The following CDK14 variants were observed in gnomAD, a reference collection of about 807,000 sequenced individuals.
CDK14 encodes cyclin-dependent kinase 14.
CDK14 carries 34 observed loss-of-function variants against 60.7 expected under a neutral mutation model. The ratio of observed to expected loss-of-function variants is 0.56; its 90% CI spans 0.43 to 0.75. The LOEUF (loss-of-function observed/expected upper bound fraction) is 0.75. Ranked by LOEUF, CDK14 falls within the 30% of genes least tolerant of loss-of-function variation. The pLI is 0.00. For missense variants in CDK14, 482 were observed against 564.1 expected (o/e 0.85, Z 1.47); for synonymous variants, 197 against 203.7 (o/e 0.97, Z 0.28).
At chr7:90,678,783 G>T (rs970277914) in intron 2 of CDK14, among the ~76,000 whole-genome samples, 3 of 152,096 alleles carry the variant, frequency 2.0e-5, no homozygotes, top group Admixed American at 6.6e-5. Context: ...TTATTTGCTA[G>T]GTCCTGGGGA....
intron 4 of CDK14, among the ~76,000 whole-genome samples, chr7:90,756,362 T>C (rs1005875): frequency 0.19 from 29,046 of 152,194 alleles, 2,894 homozygotes; most frequent in South Asian, 0.24. Flanking sequence ...ATCTTGGAGA[T>C]AGTTGAAGAA....
chr7:91,128,493 T>C (rs1272780836), intron 14 of CDK14, among the ~76,000 whole-genome samples: 15 of 152,198 alleles, frequency 9.9e-5, no homozygotes. Flanking sequence ...GTCTGAAATG[T>C]TCACCTAACG....
intron 2 of CDK14, among the ~76,000 whole-genome samples, chr7:90,722,376 A>G (rs921068213): frequency 6.6e-6 from 1 of 151,666 alleles, no homozygotes; most frequent in African/African-American, 2.4e-5. Flanking sequence ...CCTAATTTTT[A>G]TATTTGTTTT....
chr7:91,155,439 CA>C (rs1457811765), intron 14 of CDK14, among the ~76,000 whole-genome samples: 1 of 152,148 alleles, frequency 6.6e-6, no homozygotes, highest in Non-Finnish European at 1.5e-5. Context: ...CCTAGCTTCT[CA>C]AAACTTTCTT....
intron 7 of CDK14, among the ~76,000 whole-genome samples, chr7:90,906,494 C>T (rs1792708874): frequency 2.0e-5 from 3 of 152,166 alleles, no homozygotes; most frequent in Admixed American, 2.0e-4. Context: ...TAGGAAAAAG[C>T]AGTGATCAAA....
intron 14 of CDK14, among the ~76,000 whole-genome samples, chr7:91,152,285 C>T (rs992048083): frequency 2.6e-5 from 4 of 152,106 alleles, no homozygotes; most frequent in Non-Finnish European, 5.9e-5. Flanking sequence ...TTTTTGTCTC[C>T]TTCACTTATT....
At chr7:90,975,578 A>G (rs996040312) in intron 9 of CDK14, among the ~76,000 whole-genome samples, 3 of 151,858 alleles carry the variant, frequency 2.0e-5, no homozygotes, top group South Asian at 4.1e-4. Flanking sequence ...TACATATAAT[A>G]TAGTCTTATT....
Position 91,190,230 on chromosome 7 carries a change from C to T in CDK14, c.*29-16935C>T, listed in dbSNP as rs751211240. Among the ~76,000 whole-genome samples the T allele has an allele frequency of 7.8e-4, 119 of 152,164 alleles. 1 individual carries two copies. Among genetic ancestry groups the T allele is most frequent in the Non-Finnish European group, 2.1e-4 (14 of 68,018 alleles). ...GCTGAGGCCTCATCTTCACAAGGTG[C>T]TTCCTCAGTCACCTTGGAAAGGGGA... On this transcript the variant is annotated intron_variant, in intron 14 of 14. Transcript: ENST00000380050.
chr7:90,877,185 G>T (rs907802778), intron 6 of CDK14, among the ~76,000 whole-genome samples: 17 of 152,106 alleles, frequency 1.1e-4, no homozygotes, highest in Admixed American at 9.8e-4. Context: ...AGGGGTAAAA[G>T]GTTCTGATTT....
At chr7:90,765,803 G>A (rs1438122801) in intron 4 of CDK14, among the ~76,000 whole-genome samples, 2 of 152,024 alleles carry the variant, frequency 1.3e-5, no homozygotes, top group East Asian at 1.9e-4. Context: ...ACTAAATGGG[G>A]AATAATCGAG....
intron 14 of CDK14, among the ~76,000 whole-genome samples, chr7:91,145,497 G>A (rs1004827429): frequency 6.6e-6 from 1 of 152,054 alleles, no homozygotes; most frequent in African/African-American, 2.4e-5. Context: ...TGTTTGAGTG[G>A]GCCCTTCTCC....
chr7:91,076,108 G>GA (rs199841706), intron 11 of CDK14, among the ~76,000 whole-genome samples: 28 of 148,164 alleles, frequency 1.9e-4, no homozygotes, highest in African/African-American at 6.4e-4. Flanking sequence ...CACAGAATTA[G>GA]AAAAAAAAAC....
At chr7:91,173,467 T>C (rs899988781) in intron 14 of CDK14, among the ~76,000 whole-genome samples, 15 of 150,698 alleles carry the variant, frequency 1.0e-4, no homozygotes, top group Non-Finnish European at 2.1e-4. Context: ...GATGGCCGAA[T>C]AGGAACAGCT....
At chr7:91,138,591 T>G (rs1216691696) in intron 14 of CDK14, among the ~76,000 whole-genome samples, 1 of 152,198 alleles carries the variant, frequency 6.6e-6, no homozygotes, top group Non-Finnish European at 1.5e-5. Flanking sequence ...TCTTTCACTT[T>G]CTTTAAATCT....
chr7:90,810,603 T>C (rs1016119230), intron 5 of CDK14, among the ~76,000 whole-genome samples: 7 of 152,056 alleles, frequency 4.6e-5, no homozygotes, highest in Non-Finnish European at 1.0e-4. Context: ...TTCAACATAG[T>C]GTTGGAAGCC....
intron 12 of CDK14, among the ~76,000 whole-genome samples, chr7:91,086,885 A>G (rs1425789376): frequency 6.6e-6 from 1 of 152,238 alleles, no homozygotes; most frequent in African/African-American, 2.4e-5. Flanking sequence ...CAGCCTCAAA[A>G]TAAAGATGAA....
At chr7:91,018,410 T>C (rs527826261) in intron 10 of CDK14, among the ~76,000 whole-genome samples, 9 of 152,200 alleles carry the variant, frequency 5.9e-5, no homozygotes, top group Non-Finnish European at 1.3e-4. Context: ...GGGAAGGCCC[T>C]GGCATATTTG....
intron 2 of CDK14, among the ~76,000 whole-genome samples, chr7:90,664,958 G>A (rs1362069310): frequency 6.6e-6 from 1 of 151,958 alleles, no homozygotes. Context: ...AATTTAAAAA[G>A]AAATCATGTT....
At chr7:90,774,410 C>G (rs1230271993) in intron 4 of CDK14, among the ~76,000 whole-genome samples, 1 of 151,978 alleles carries the variant, frequency 6.6e-6, no homozygotes, top group Non-Finnish European at 1.5e-5. Context: ...TGAGTGACAC[C>G]CTTATTTTTA....
Sources: gnomAD v4.1 joint callset for allele counts (sites outside exome capture counted in the v4.1 genomes callset) on GRCh38, gnomAD v4.1.1 for gene constraint, MANE v1.5 for transcripts, NCBI Gene and HGNC (gene_info 2026-07-23, HGNC 2026-07-21) for gene names.